SLC4A4: variants seen among roughly 807,000 people sequenced by gnomAD.
SLC4A4 encodes the protein electrogenic sodium bicarbonate cotransporter 1.
SLC4A4 carries 27 observed loss-of-function variants against 111.5 expected under a neutral mutation model. The observed-to-expected ratio is 0.24, with a 90% CI of 0.18 to 0.33. The LOEUF is 0.33. SLC4A4 is among the 10% of genes least tolerant of loss of function. The pLI is 1.00. For missense variants in SLC4A4, 909 were observed against 1,315.5 expected, an observed-to-expected ratio of 0.69 and a Z score of 4.78; for synonymous variants, 443 against 463.4, an observed-to-expected ratio of 0.96 and a Z score of 0.57.
chr4:71,072,207 T>A (rs1255116796), intron 1 of SLC4A4, among the ~76,000 whole-genome samples: 1 of 152,226 alleles, frequency 6.6e-6, no homozygotes, highest in African/African-American at 2.4e-5. Flanking sequence ...TGCTTTATGT[T>A]ATGTTTCTGT....
intron 2 of SLC4A4, among the ~76,000 whole-genome samples, chr4:71,132,203 A>G (rs1206012526): frequency 6.6e-6 from 1 of 152,212 alleles, no homozygotes; most frequent in Non-Finnish European, 1.5e-5. Flanking sequence ...AACAAGAAGA[A>G]AAGATTCAGC....
chr4:71,362,867 C>A (rs1281093574), intron 6 of SLC4A4, among the ~76,000 whole-genome samples: 1 of 152,166 alleles, frequency 6.6e-6, no homozygotes, highest in Non-Finnish European at 1.5e-5. Flanking sequence ...TTTCCCCATG[C>A]CTTCTCCTGG....
intron 1 of SLC4A4, among the ~76,000 whole-genome samples, chr4:71,083,760 T>A (rs1742062499): frequency 6.6e-6 from 1 of 151,384 alleles, no homozygotes; most frequent in African/African-American, 2.4e-5. Context: ...CTTGAATTTT[T>A]CTCTAAACAT....
chr4:71,102,229 TA>T (rs1244163132), intron 2 of SLC4A4, among the ~76,000 whole-genome samples: 1 of 148,890 alleles, frequency 6.7e-6, no homozygotes, highest in Non-Finnish European at 1.5e-5. Context: ...GAAAAAAGAA[TA>T]AAAAGAAATG....
intron 3 of SLC4A4, among the ~76,000 whole-genome samples, chr4:71,332,712 G>C (rs1216596943): frequency 1.3e-5 from 2 of 152,270 alleles, no homozygotes; most frequent in African/African-American, 4.8e-5. Flanking sequence ...GATTACAGGC[G>C]TGAGCCACCG....
chr4:71,093,346 T>G (rs1012346415), intron 2 of SLC4A4, among the ~76,000 whole-genome samples: 23 of 151,850 alleles, frequency 1.5e-4, no homozygotes, highest in Non-Finnish European at 2.9e-4. Context: ...TTTTGTATTT[T>G]CAGTAGAGAC....
chr4:71,414,380 G>T (rs1331497111), intron 7 of SLC4A4, among the ~76,000 whole-genome samples: 3 of 152,232 alleles, frequency 2.0e-5, no homozygotes, highest in African/African-American at 2.4e-5. Context: ...CTATACTAGG[G>T]TGGAGCAAAG....
At chr4:71,480,260 G>T (rs1217805718) in intron 14 of SLC4A4, among the ~76,000 whole-genome samples, 3 of 151,380 alleles carry the variant, frequency 2.0e-5, no homozygotes, top group African/African-American at 7.3e-5. Context: ...AGATGAACTT[G>T]TGAAGAGTGC....
At chr4:71,171,886 CTG>C (rs1177244204) in intron 2 of SLC4A4, among the ~76,000 whole-genome samples, 6 of 152,184 alleles carry the variant, frequency 3.9e-5, no homozygotes, top group Non-Finnish European at 5.9e-5. Context: ...TCAATACTTT[CTG>C]TATTTTAATT....
chr4:71,078,826 GT>G (rs369642893), intron 1 of SLC4A4, among the ~76,000 whole-genome samples: 174 of 147,776 alleles, frequency 1.2e-3, no homozygotes, highest in African/African-American at 4.1e-3. Flanking sequence ...TTGTTTGTTT[GT>G]TTTTTTTTTG....
chr4:71,223,062 G>A (rs28702004), intron 1 of SLC4A4, among the ~76,000 whole-genome samples: 3,360 of 152,078 alleles, frequency 0.022, 121 homozygotes, highest in African/African-American at 0.077. Flanking sequence ...GAATGTCAAG[G>A]GTCTGTATAC....
chr4:71,385,849 G>T (rs1319243808), intron 6 of SLC4A4, among the ~76,000 whole-genome samples: 1 of 152,036 alleles, frequency 6.6e-6, no homozygotes, highest in Non-Finnish European at 1.5e-5. Context: ...GAGACTGATT[G>T]CTTTCCACAT....
At chr4:71,238,204 A>T (rs1025986496) in intron 2 of SLC4A4, among the ~76,000 whole-genome samples, 2 of 152,220 alleles carry the variant, frequency 1.3e-5, no homozygotes, top group Non-Finnish European at 2.9e-5. Flanking sequence ...TCCTTTGAGA[A>T]TAATGTTCTA....
chr4:71,215,147 G>C (rs556006417), intron 1 of SLC4A4, among the ~76,000 whole-genome samples: 1 of 152,152 alleles, frequency 6.6e-6, no homozygotes, highest in Non-Finnish European at 1.5e-5. Flanking sequence ...ACAAATGTTG[G>C]ATCACAAATG....
At chr4:71,115,394 A>C (rs1050946202) in intron 2 of SLC4A4, among the ~76,000 whole-genome samples, 3 of 152,104 alleles carry the variant, frequency 2.0e-5, no homozygotes, top group Non-Finnish European at 4.4e-5. Context: ...ACAAACAAAC[A>C]AACAAAAAAG....
intron 2 of SLC4A4, among the ~76,000 whole-genome samples, chr4:71,093,511 A>T (rs767947510): frequency 6.6e-6 from 1 of 152,190 alleles, no homozygotes; most frequent in Non-Finnish European, 1.5e-5. Context: ...AAAAAGATTT[A>T]AATCATAAAT....
intron 2 of SLC4A4, among the ~76,000 whole-genome samples, chr4:71,102,115 G>A (rs910183011): frequency 1.3e-5 from 2 of 152,288 alleles, no homozygotes; most frequent in South Asian, 2.1e-4. Flanking sequence ...CAAGAACTAT[G>A]TGAAGAATGC....
At chr4:71,553,105 G>A (rs1736178426) in intron 20 of SLC4A4, among the ~76,000 whole-genome samples, 1 of 151,766 alleles carries the variant, frequency 6.6e-6, no homozygotes, top group African/African-American at 2.4e-5. Context: ...AAGGAAAATG[G>A]CAAATTTCAA....
At chr4:71,384,848 T>C (rs756586427) in intron 6 of SLC4A4, among the ~76,000 whole-genome samples, 2 of 151,548 alleles carry the variant, frequency 1.3e-5, no homozygotes, top group African/African-American at 4.8e-5. Flanking sequence ...GAAAAAAGGA[T>C]GTAGGAGCAT....
Sources: allele counts gnomAD v4.1 joint callset (sites outside exome capture counted in the v4.1 genomes callset), GRCh38; gene constraint gnomAD v4.1.1; transcripts MANE v1.5; gene names NCBI Gene and HGNC (gene_info 2026-07-23, HGNC 2026-07-21).